DMD: variants seen among roughly 807,000 people sequenced by gnomAD.
DMD encodes mutant dystrophin.
Under a neutral mutation model 330.1 loss-of-function variants are expected in DMD, and 63 were observed. The observed-to-expected ratio is 0.19, with a 90% CI of 0.16 to 0.24. DMD has a LOEUF of 0.24. Among genes scored for constraint, DMD ranks in the 10% least tolerant of loss-of-function variants. The pLI, the probability that DMD is intolerant of heterozygous loss-of-function variation, is 1.00. For synonymous variants in DMD, 1,223 were observed against 959.8 expected (o/e 1.27, Z -5.07); for missense variants, 3,344 against 2,684.1 (o/e 1.25, Z -5.43).
chrX:32,822,484 A>AAT (rs2078345992), intron 5 of DMD, among the ~76,000 whole-genome samples: 1 of 110,521 alleles, frequency 9.0e-6, no homozygotes, highest in East Asian at 2.8e-4. Flanking sequence ...GATTATGTAT[A>AAT]CATATTATGA....
At position 31,571,254 on chromosome X, in the gene DMD, GGTGT is replaced by G. The variant is rs371098859; in HGVS notation, c.8217+56415_8217+56418del. Among the ~76,000 whole-genome samples the G allele has an allele frequency of 6.3e-3, 567 of 90,421 alleles. 4 individuals carry two copies. The highest frequency in any genetic ancestry group is 0.019 in the African/African-American group (449 of 23,871). The allele number at this position is 90,421 out of a possible 115,157, so 78.5% of individuals were successfully genotyped here. A position where few individuals can be genotyped will look rare whatever the true frequency, so the allele number is the denominator to read the frequency against. On this transcript the variant is annotated intron_variant, in intron 55 of 78. Coordinates refer to ENST00000357033, the MANE Select transcript of DMD (RefSeq NM_004006.3). The stretch of plus-strand genomic sequence containing the variant: ...AGTTACATGATAAAAGATTTAAAGG[GGTGT>G]GTGTGTGTGTGTGTGTGTGTGTGTG...
chrX:32,573,922 T>C, intron 13 of DMD, 76 bp from the exon 14 acceptor site: 1 of 875,673 alleles, frequency 1.1e-6, no homozygotes, highest in East Asian at 3.2e-5. Flanking sequence ...CATGAATAAT[T>C]TGCCAAAGTA....
At chrX:33,093,837 T>C (rs1056149414) in intron 1 of DMD, among the ~76,000 whole-genome samples, 5 of 111,348 alleles carry the variant, frequency 4.5e-5, no homozygotes, top group Non-Finnish European at 9.4e-5. Context: ...TCAGATTTGA[T>C]TATATTATAT....
chrX:33,008,396 G>A (rs1440728320), intron 2 of DMD, among the ~76,000 whole-genome samples: 1 of 110,308 alleles, frequency 9.1e-6, no homozygotes, highest in Non-Finnish European at 1.9e-5. Flanking sequence ...TATAATTCTA[G>A]GAATCCATAG....
At chrX:32,720,455 A>T (rs1173041324) in intron 7 of DMD, among the ~76,000 whole-genome samples, 1 of 112,119 alleles carries the variant, frequency 8.9e-6, no homozygotes, top group Non-Finnish European at 1.9e-5. Flanking sequence ...ATTCATTTGG[A>T]AATGTTATTC....
chrX:33,076,547 T>C (rs775035971), intron 1 of DMD, among the ~76,000 whole-genome samples: 20 of 111,622 alleles, frequency 1.8e-4, no homozygotes, highest in African/African-American at 5.5e-4. Context: ...TATGGGACTT[T>C]AAATTTTAAA....
At chrX:32,603,953 T>A (rs2056449194) in intron 12 of DMD, among the ~76,000 whole-genome samples, 1 of 111,258 alleles carries the variant, frequency 9.0e-6, no homozygotes, top group African/African-American at 3.3e-5. Context: ...CTATTGTAAC[T>A]GTTGCAAAAT....
intron 2 of DMD, among the ~76,000 whole-genome samples, chrX:33,013,676 C>T (rs1331178744): frequency 1.8e-5 from 2 of 112,520 alleles, no homozygotes; most frequent in East Asian, 5.6e-4. Flanking sequence ...TTAGAATTCA[C>T]TTACACAATG....
chrX:31,453,777 A>AAAAAAAAAAAAAAAAAAAC (rs2065944289), intron 59 of DMD, among the ~76,000 whole-genome samples: 1 of 103,663 alleles, frequency 9.6e-6, no homozygotes, highest in Non-Finnish European at 2.0e-5. Flanking sequence ...AAAAAAAAAA[A>AAAAAAAAAAAAAAAAAAAC]AAAAAAAAAA....
At chrX:32,670,475 T>C (rs1365988762) in intron 9 of DMD, among the ~76,000 whole-genome samples, 1 of 111,888 alleles carries the variant, frequency 8.9e-6, no homozygotes, top group Non-Finnish European at 1.9e-5. Flanking sequence ...CAAGGACCCT[T>C]CAGTAAGTCT....
intron 7 of DMD, among the ~76,000 whole-genome samples, chrX:32,779,705 G>T (rs1360502453): frequency 7.6e-5 from 7 of 91,641 alleles, no homozygotes; most frequent in African/African-American, 2.5e-4. Flanking sequence ...GCCTGTGGTG[G>T]GGTGGGGTGG....
chrX:31,432,859 G>T (rs772028054), intron 60 of DMD, among the ~76,000 whole-genome samples: 1 of 112,013 alleles, frequency 8.9e-6, no homozygotes, highest in Admixed American at 9.4e-5. Flanking sequence ...AGATTCAATT[G>T]TTTTCTTATT....
At chrX:32,082,516 C>A (rs1430883980) in intron 44 of DMD, among the ~76,000 whole-genome samples, 1 of 111,435 alleles carries the variant, frequency 9.0e-6, no homozygotes, top group Non-Finnish European at 1.9e-5. Context: ...CCACAGCCCC[C>A]CAGTGTTGGG....
intron 2 of DMD, among the ~76,000 whole-genome samples, chrX:33,007,970 T>G (rs779015166): frequency 9.0e-6 from 1 of 111,198 alleles, no homozygotes; most frequent in South Asian, 3.8e-4. Context: ...GAAAGAAACA[T>G]TTAGCAAATT....
chrX:32,731,763 C>A (rs1335873950), intron 7 of DMD, among the ~76,000 whole-genome samples: 1 of 112,060 alleles, frequency 8.9e-6, no homozygotes, highest in South Asian at 3.7e-4. Context: ...CCCATCTGGA[C>A]GTCACCATCA....
chrX:32,328,037 G>A (rs1285442969), intron 41 of DMD, among the ~76,000 whole-genome samples: 1 of 111,491 alleles, frequency 9.0e-6, no homozygotes, highest in Non-Finnish European at 1.9e-5. Context: ...AATGATGAAC[G>A]TTAGAGTCTT....
chrX:32,301,222 T>TAAAAAAAAAA (rs56329666), intron 42 of DMD, among the ~76,000 whole-genome samples: 2 of 74,679 alleles, frequency 2.7e-5, no homozygotes, highest in East Asian at 4.2e-4. Context: ...TGCATACATC[T>TAAAAAAAAAA]AAAAAAAAAA....
chrX:32,328,927 T>A (rs1321999971), intron 41 of DMD, among the ~76,000 whole-genome samples: 1 of 111,561 alleles, frequency 9.0e-6, no homozygotes, highest in Non-Finnish European at 1.9e-5. Flanking sequence ...ATTGAAAACT[T>A]CTGGACCATG....
intron 44 of DMD, among the ~76,000 whole-genome samples, chrX:31,980,451 A>G (rs770207150): frequency 8.9e-6 from 1 of 112,382 alleles, no homozygotes; most frequent in East Asian, 2.8e-4. Flanking sequence ...TTTCATTTAT[A>G]CAAATTTTTA....
Sources: gnomAD v4.1 joint callset for allele counts (sites outside exome capture counted in the v4.1 genomes callset) on GRCh38, gnomAD v4.1.1 for gene constraint, MANE v1.5 for transcripts, NCBI Gene and HGNC (gene_info 2026-07-23, HGNC 2026-07-21) for gene names.